Variants in SHTN1 observed in about 807,000 individuals in gnomAD.
SHTN1 encodes the protein shootin 1.
SHTN1 carries 42 observed loss-of-function variants against 83.1 expected under a neutral mutation model. The ratio of observed to expected loss-of-function variants is 0.51; its 90% CI spans 0.39 to 0.65. SHTN1 has a LOEUF of 0.65. Among genes scored for constraint, SHTN1 ranks in the 30% least tolerant of loss-of-function variants. SHTN1 has a pLI of 0.00. For missense variants in SHTN1, 622 were observed against 737.8 expected, an observed-to-expected ratio of 0.84 and a Z score of 1.82; for synonymous variants, 224 against 247.7, an observed-to-expected ratio of 0.90 and a Z score of 0.90.
chr10:117,035,904 A>C (rs1334377829), intron 2 of SHTN1, among the ~76,000 whole-genome samples: 1 of 130,556 alleles, frequency 7.7e-6, no homozygotes, highest in East Asian at 2.4e-4. Flanking sequence ...CCGAGATTGC[A>C]CCACTGCACT....
chr10:117,076,224 T>C (rs1853151917), intron 1 of SHTN1, among the ~76,000 whole-genome samples: 1 of 150,560 alleles, frequency 6.6e-6, no homozygotes, highest in South Asian at 2.1e-4. Context: ...ATATTATATA[T>C]GAAAATGGAC....
chr10:116,997,179 G>T (rs1441619171), intron 1 of SHTN1, among the ~76,000 whole-genome samples: 1 of 152,160 alleles, frequency 6.6e-6, no homozygotes, highest in Non-Finnish European at 1.5e-5. Flanking sequence ...TCTGCGAGTA[G>T]ACTTTACCCC....
chr10:116,883,037 T>C lies in SHTN1; in HGVS notation c.*3307A>G, dbSNP rs906168648. On this transcript the variant is annotated 3_prime_UTR_variant, in exon 17 of 17. Transcript: ENST00000355371. ...TGCCCTGGAACAGTGATATAAATTA[T>C]AATTAAATTACTAAAACCAGAGCAA... The C allele has an allele frequency of 2.6e-5, 4 of 151,904 alleles. No individual in the cohort carries two copies. The highest frequency in any genetic ancestry group is 9.7e-5 in the African/African-American group (4 of 41,310). 9.4% of individuals were successfully genotyped at this position (151,904 alleles called of 1,614,324 possible). A position where few individuals can be genotyped will look rare whatever the true frequency, so the allele number is the denominator to read the frequency against.
chr10:117,002,358 T>C (rs966097518), intron 1 of SHTN1, among the ~76,000 whole-genome samples: 30 of 152,212 alleles, frequency 2.0e-4, no homozygotes, highest in Non-Finnish European at 2.1e-4. Context: ...ACCTGACATA[T>C]GGTGGTACTT....
At chr10:117,096,575 G>A (rs1853505847) in intron 1 of SHTN1, among the ~76,000 whole-genome samples, 1 of 152,210 alleles carries the variant, frequency 6.6e-6, no homozygotes, top group Admixed American at 6.5e-5. Flanking sequence ...AATGGTATTT[G>A]TTAGATACTT....
At chr10:117,052,394 C>T (rs1852759128) in intron 1 of SHTN1, among the ~76,000 whole-genome samples, 2 of 151,974 alleles carry the variant, frequency 1.3e-5, no homozygotes, top group Admixed American at 1.3e-4. Context: ...AGCAAAATTC[C>T]AATGGCATTT....
intron 3 of SHTN1, among the ~76,000 whole-genome samples, chr10:116,962,758 T>C (rs1221476079): frequency 6.6e-6 from 1 of 152,202 alleles, no homozygotes; most frequent in East Asian, 1.9e-4. Context: ...GTACACTCCA[T>C]CTGGTGGGGT....
chr10:116,984,674 T>C (rs922703079), intron 1 of SHTN1, among the ~76,000 whole-genome samples: 4 of 152,252 alleles, frequency 2.6e-5, no homozygotes, highest in African/African-American at 7.2e-5. Context: ...GAAGCTGTTA[T>C]CTCTGCCCTT....
At chr10:117,120,698 TTAGA>T (rs1853910056) in intron 1 of SHTN1, among the ~76,000 whole-genome samples, 2 of 152,128 alleles carry the variant, frequency 1.3e-5, no homozygotes, top group African/African-American at 4.8e-5. Context: ...GAACCTAGTG[TTAGA>T]TAGATGAGCA....
chr10:117,121,118 T>C lies in SHTN1; in HGVS notation c.-189+5189A>G, dbSNP rs1435240735. Among the ~76,000 whole-genome samples, 8 of 152,302 alleles carry C rather than the reference T, an allele frequency of 5.3e-5. No individual in the cohort carries two copies. The East Asian group carries it at 1.4e-3, about 26-fold the overall frequency. On this transcript the variant is annotated intron_variant, in intron 1 of 17. Coordinates refer to the SHTN1 transcript ENST00000392901. Reference sequence around the variant, plus strand: ...AATGACCATGCCCATTTACAAATTATATAAATGTATTAAATTATCACAGGT... The same window carrying C: ...AATGACCATGCCCATTTACAAATTACATAAATGTATTAAATTATCACAGGT...
At chr10:116,924,397 G>C (rs1271016187) in intron 11 of SHTN1, among the ~76,000 whole-genome samples, 1 of 88,896 alleles carries the variant, frequency 1.1e-5, no homozygotes, top group Non-Finnish European at 3.3e-5. Flanking sequence ...GTACTGCTCA[G>C]AGTACTTATA....
intron 1 of SHTN1, among the ~76,000 whole-genome samples, chr10:117,050,091 C>G (rs906913876): frequency 2.0e-5 from 3 of 152,124 alleles, no homozygotes; most frequent in Non-Finnish European, 4.4e-5. Context: ...ACTCAAGAGG[C>G]TGAGGCAGGA....
At chr10:116,909,580 C>T (rs772724759) in intron 14 of SHTN1, among the ~76,000 whole-genome samples, 6 of 152,120 alleles carry the variant, frequency 3.9e-5, no homozygotes, top group South Asian at 2.1e-4. Context: ...ATGGACTATA[C>T]ATATTTTTAT....
intron 11 of SHTN1, among the ~76,000 whole-genome samples, chr10:116,924,746 A>ATTTTTTTTTTTT (rs201343735): frequency 1.1e-5 from 1 of 89,528 alleles, no homozygotes; most frequent in South Asian, 4.3e-4. Flanking sequence ...ATTTTCACCT[A>ATTTTTTTTTTTT]TTTTTTTTTT....
chr10:117,027,901 G>A (rs1316386135), intron 2 of SHTN1, among the ~76,000 whole-genome samples: 1 of 152,190 alleles, frequency 6.6e-6, no homozygotes, highest in Non-Finnish European at 1.5e-5. Flanking sequence ...AAGCACCTTT[G>A]GAACTGGGTA....
chr10:116,916,309 A>G (rs1175516126), intron 12 of SHTN1, among the ~76,000 whole-genome samples: 2 of 152,222 alleles, frequency 1.3e-5, no homozygotes, highest in Non-Finnish European at 2.9e-5. Flanking sequence ...CTTGACCAAA[A>G]TCACAGAACC....
intron 1 of SHTN1, among the ~76,000 whole-genome samples, chr10:117,063,521 C>T (rs1419684519): frequency 4.6e-5 from 7 of 152,154 alleles, no homozygotes; most frequent in Admixed American, 4.6e-4. Context: ...CATGTGTTAG[C>T]CAATTCCCTG....
Position 117,005,085 on chromosome 10 carries a change from C to A in SHTN1, c.-6G>T. On this transcript the variant is annotated 5_prime_UTR_variant, in exon 1 of 17. Coordinates refer to ENST00000355371, the MANE Select transcript of SHTN1 (RefSeq NM_001127211.3). ...TCTTCGTCCGAGCTGTTCATTTTGG[C>A]GGGTGGGGCCGGGAATAAAAGGGAA... 1 of 1,589,476 alleles carries A rather than the reference C, an allele frequency of 6.3e-7. No individual in the cohort carries two copies. The highest frequency in any genetic ancestry group is 1.1e-5 in the South Asian group (1 of 87,168).
intron 1 of SHTN1, among the ~76,000 whole-genome samples, chr10:117,058,492 T>G (rs574577448): frequency 2.6e-5 from 4 of 152,064 alleles, no homozygotes; most frequent in Non-Finnish European, 5.9e-5. Context: ...CTCACACCCA[T>G]TATGGTGGCT....
Sources: allele counts gnomAD v4.1 joint callset (sites outside exome capture counted in the v4.1 genomes callset), GRCh38; gene constraint gnomAD v4.1.1; transcripts MANE v1.5; gene names NCBI Gene and HGNC (gene_info 2026-07-23, HGNC 2026-07-21).